NRG3: variants seen among roughly 807,000 people sequenced by gnomAD.
NRG3 encodes pro-neuregulin-3, membrane-bound isoform.
Under a neutral mutation model 66.9 loss-of-function variants are expected in NRG3, and 31 were observed. The observed-to-expected ratio is 0.46, with a 90% CI of 0.35 to 0.63. The LOEUF (loss-of-function observed/expected upper bound fraction) is 0.63, where lower values mean the gene tolerates loss of function less well. Ranked by LOEUF, NRG3 falls within the 20% of genes least tolerant of loss-of-function variation. The probability of loss-of-function intolerance (pLI) is 0.00; values close to 1 mark genes in which losing one functional copy is unlikely to be tolerated. For missense variants in NRG3, 910 were observed against 878.9 expected (o/e 1.04, Z -0.45); for synonymous variants, 393 against 359.4 (o/e 1.09, Z -1.06).
At chr10:81,982,167 A>G (rs1436053968) in intron 1 of NRG3, among the ~76,000 whole-genome samples, 3 of 152,192 alleles carry the variant, frequency 2.0e-5, no homozygotes, top group Admixed American at 6.5e-5. Flanking sequence ...TTGCTCAGAA[A>G]TTATTTCAGC....
chr10:81,913,910 A>G (rs1285824375), intron 1 of NRG3, among the ~76,000 whole-genome samples: 1 of 152,236 alleles, frequency 6.6e-6, no homozygotes, highest in African/African-American at 2.4e-5. Flanking sequence ...TCAGCTTTTA[A>G]AAAGGAGGTT....
chr10:82,183,784 C>A (rs185737928), intron 1 of NRG3, among the ~76,000 whole-genome samples: 1 of 152,066 alleles, frequency 6.6e-6, no homozygotes, highest in East Asian at 1.9e-4. Context: ...AAACAATCTC[C>A]CAGAACAAAG....
chr10:82,656,334 C>T (rs1358358845), intron 2 of NRG3, among the ~76,000 whole-genome samples: 1 of 144,614 alleles, frequency 6.9e-6, no homozygotes, highest in Non-Finnish European at 1.5e-5. Flanking sequence ...TGGTAGTAAC[C>T]TCCACATGCT....
At chr10:82,079,167 C>T (rs1470400236) in intron 1 of NRG3, among the ~76,000 whole-genome samples, 8 of 151,850 alleles carry the variant, frequency 5.3e-5, no homozygotes, top group African/African-American at 1.9e-4. Flanking sequence ...GCCTCAGCCT[C>T]CCGAATAGCT....
At chr10:82,607,540 G>A (rs2048041774) in intron 2 of NRG3, among the ~76,000 whole-genome samples, 1 of 151,950 alleles carries the variant, frequency 6.6e-6, no homozygotes, top group South Asian at 2.1e-4. Flanking sequence ...GACAATCTTA[G>A]TATTTTAATT....
chr10:82,261,366 G>A (rs147745965), intron 1 of NRG3, among the ~76,000 whole-genome samples: 417 of 152,230 alleles, frequency 2.7e-3, no homozygotes, highest in African/African-American at 9.3e-3. Flanking sequence ...GGCCTCCCCA[G>A]CCATGTGGAA....
intron 2 of NRG3, among the ~76,000 whole-genome samples, chr10:82,682,529 A>G (rs2054183681): frequency 2.0e-5 from 3 of 152,198 alleles, no homozygotes. Context: ...TAGGGTAAAT[A>G]ATAGTGCTTG....
At chr10:82,100,233 A>G (rs78409462) in intron 1 of NRG3, among the ~76,000 whole-genome samples, 5,744 of 152,050 alleles carry the variant, frequency 0.038, 148 homozygotes, top group East Asian at 0.1. Flanking sequence ...TTTGGATTCT[A>G]TGGCTTTGCT....
chr10:82,273,144 C>G (rs888637471), intron 1 of NRG3, among the ~76,000 whole-genome samples: 2 of 151,962 alleles, frequency 1.3e-5, no homozygotes, highest in African/African-American at 4.8e-5. Flanking sequence ...TTTGCTGTAT[C>G]TACATATTTT....
At chr10:82,815,439 A>C (rs933812660) in intron 3 of NRG3, among the ~76,000 whole-genome samples, 1 of 152,140 alleles carries the variant, frequency 6.6e-6, no homozygotes, top group Non-Finnish European at 1.5e-5. Context: ...GAGGTTTGAC[A>C]CTTTTGTTTC....
chr10:82,814,018 C>T (rs760657074), intron 3 of NRG3, among the ~76,000 whole-genome samples: 67 of 152,176 alleles, frequency 4.4e-4, no homozygotes, highest in Admixed American at 2.9e-3. Context: ...GCAGGTGGCA[C>T]GGTTCACTCC....
At chr10:82,422,925 T>A (rs1183730933) in intron 2 of NRG3, among the ~76,000 whole-genome samples, 6 of 152,006 alleles carry the variant, frequency 3.9e-5, no homozygotes, top group Non-Finnish European at 8.8e-5. Context: ...TATATGAGTT[T>A]TTAGTAATTT....
At chr10:81,977,637 A>C (rs1213764775) in intron 1 of NRG3, among the ~76,000 whole-genome samples, 2 of 152,318 alleles carry the variant, frequency 1.3e-5, no homozygotes, top group Non-Finnish European at 2.9e-5. Flanking sequence ...TCATTAATTA[A>C]AACAAACCAC....
intron 1 of NRG3, among the ~76,000 whole-genome samples, chr10:82,001,095 G>A (rs2061145991): frequency 6.6e-6 from 1 of 151,426 alleles, no homozygotes; most frequent in East Asian, 1.9e-4. Flanking sequence ...TACAATGAAG[G>A]CAAAGATCAT....
rs1049626596 is a variant in NRG3 at position 82,187,324 on chromosome 10, T to G, written c.824-171415T>G. On this transcript the variant is annotated intron_variant, in intron 1 of 8. Transcript: ENST00000372141. Reference sequence around the variant, plus strand: ...TGAGAGGAGGTAGTTTTAATTCGCTTCTTATATGCCATTAAGGCATCGTTG... The same window carrying G: ...TGAGAGGAGGTAGTTTTAATTCGCTGCTTATATGCCATTAAGGCATCGTTG... Among the ~76,000 whole-genome samples the G allele has an allele frequency of 2.0e-5, 3 of 152,302 alleles. No homozygotes were observed. In the East Asian group the frequency reaches 5.8e-4, roughly 29 times the overall value.
At chr10:82,110,343 T>C (rs1030319000) in intron 1 of NRG3, among the ~76,000 whole-genome samples, 1 of 152,102 alleles carries the variant, frequency 6.6e-6, no homozygotes, top group Non-Finnish European at 1.5e-5. Context: ...GTTAGAGAGA[T>C]AACAGGAGAC....
chr10:82,663,142 C>A (rs1225305047), intron 2 of NRG3, among the ~76,000 whole-genome samples: 1 of 152,104 alleles, frequency 6.6e-6, no homozygotes, highest in Non-Finnish European at 1.5e-5. Context: ...ATAATTATTC[C>A]CATTGAAAAC....
chr10:82,331,672 G>C (rs976839527), intron 1 of NRG3, among the ~76,000 whole-genome samples: 8 of 151,896 alleles, frequency 5.3e-5, no homozygotes, highest in Non-Finnish European at 8.8e-5. Context: ...TATTTTTTAT[G>C]GCTATACCTA....
At chr10:82,375,676 G>T (rs890456265) in intron 2 of NRG3, among the ~76,000 whole-genome samples, 4 of 152,174 alleles carry the variant, frequency 2.6e-5, no homozygotes, top group Non-Finnish European at 5.9e-5. Context: ...AGTGAAATCT[G>T]TTCTAAACCT....
Sources: allele counts gnomAD v4.1 joint callset (sites outside exome capture counted in the v4.1 genomes callset), GRCh38; gene constraint gnomAD v4.1.1; transcripts MANE v1.5; gene names NCBI Gene and HGNC (gene_info 2026-07-23, HGNC 2026-07-21).